Variants in CARMIL1 observed in about 807,000 individuals in gnomAD.
CARMIL1 encodes F-actin-uncapping protein LRRC16A.
A neutral mutation model predicts 177.1 loss-of-function variants in CARMIL1; 90 were observed. The observed-to-expected ratio is 0.51, with a 90% CI of 0.43 to 0.61. The LOEUF (loss-of-function observed/expected upper bound fraction) is 0.61. Among genes scored for constraint, CARMIL1 ranks in the 20% least tolerant of loss-of-function variants. The probability of loss-of-function intolerance (pLI) is 0.00; values close to 1 mark genes in which losing one functional copy is unlikely to be tolerated. For missense variants in CARMIL1, 1,380 were observed against 1,667.0 expected, an observed-to-expected ratio of 0.83 and a Z score of 3.00; for synonymous variants, 577 against 606.2, an observed-to-expected ratio of 0.95 and a Z score of 0.71.
chr6:25,364,131 G>A (rs760073668), intron 2 of CARMIL1, among the ~76,000 whole-genome samples: 16 of 151,738 alleles, frequency 1.1e-4, no homozygotes, highest in Admixed American at 1.3e-4. Flanking sequence ...AATGTGTAGA[G>A]ATGGGGTCTC....
intron 2 of CARMIL1, among the ~76,000 whole-genome samples, chr6:25,381,828 A>T (rs1382994268): frequency 6.6e-6 from 1 of 152,014 alleles, no homozygotes; most frequent in African/African-American, 2.4e-5. Flanking sequence ...GTCATTGGTG[A>T]TTAGTTCAAT....
At chr6:25,399,669 C>A (rs1385174391) in intron 2 of CARMIL1, among the ~76,000 whole-genome samples, 1 of 152,108 alleles carries the variant, frequency 6.6e-6, no homozygotes, top group African/African-American at 2.4e-5. Context: ...AGAACCTGTT[C>A]TGTGTGGGGC....
intron 2 of CARMIL1, among the ~76,000 whole-genome samples, chr6:25,316,423 C>CT (rs36000746): frequency 0.08 from 11,189 of 140,332 alleles, 540 homozygotes; most frequent in Middle Eastern, 0.12. Flanking sequence ...TTCCAGAGGG[C>CT]TTTTTTTTTT....
chr6:25,398,266 A>G (rs935056846), intron 2 of CARMIL1, among the ~76,000 whole-genome samples: 27 of 152,184 alleles, frequency 1.8e-4, no homozygotes, highest in African/African-American at 6.3e-4. Context: ...GGGATAATTC[A>G]TTTGTTTGTA....
chr6:25,363,972 C>T (rs188739862), intron 2 of CARMIL1, among the ~76,000 whole-genome samples: 100 of 152,104 alleles, frequency 6.6e-4, no homozygotes, highest in African/African-American at 2.1e-3. Context: ...GACAGGGTCT[C>T]GCTCTGTTGC....
chr6:25,333,984 C>T (rs914546884), intron 2 of CARMIL1, among the ~76,000 whole-genome samples: 26 of 152,186 alleles, frequency 1.7e-4, no homozygotes, highest in African/African-American at 6.3e-4. Context: ...AATGTACTTT[C>T]CCTGTATTCT....
At chr6:25,570,935 A>G (rs1336987447) in intron 29 of CARMIL1, among the ~76,000 whole-genome samples, 1 of 152,176 alleles carries the variant, frequency 6.6e-6, no homozygotes, top group East Asian at 1.9e-4. Flanking sequence ...CTGTCCAACA[A>G]TTGTCTTAGA....
At chr6:25,460,553 G>A (rs886164085) in intron 8 of CARMIL1, among the ~76,000 whole-genome samples, 4 of 152,142 alleles carry the variant, frequency 2.6e-5, no homozygotes, top group African/African-American at 7.2e-5. Context: ...TACATAAAGC[G>A]TTTGCTGAAG....
chr6:25,569,652 T>C (rs1811886078), intron 29 of CARMIL1, among the ~76,000 whole-genome samples: 1 of 152,216 alleles, frequency 6.6e-6, no homozygotes, highest in South Asian at 2.1e-4. Context: ...TTGTCATCAT[T>C]ATAAAGCTGA....
chr6:25,610,175 C>G lies in CARMIL1; in HGVS notation c.3973C>G (p.Gln1325Glu). 6.2e-7 allele frequency: 1 copy of G among 1,613,008 alleles called. No individual in the cohort carries two copies. The highest frequency in any genetic ancestry group is 1.1e-5 in the South Asian group (1 of 90,886). Residue 1325 changes from glutamine (Q) to glutamate (E), a missense_variant, in exon 36 of 37, where the codon CAG becomes GAG. Coordinates refer to ENST00000329474, the MANE Select transcript of CARMIL1 (RefSeq NM_017640.6). Reference protein sequence around the residue: ...SPQPSPRTFSQEVSRRSWGQQ... With the variant: ...SPQPSPRTFSEEVSRRSWGQQ... ...CCAGCCCAGCCCCAGGACATTTTCA[C>G]AGGAAGGTAAGGATTGTAAGGATTT...
At chr6:25,464,607 G>A (rs902689444) in intron 8 of CARMIL1, among the ~76,000 whole-genome samples, 1 of 152,128 alleles carries the variant, frequency 6.6e-6, no homozygotes, top group Non-Finnish European at 1.5e-5. Context: ...GCATAAAACT[G>A]ATATGACCTC....
intron 3 of CARMIL1, among the ~76,000 whole-genome samples, chr6:25,421,030 T>C (rs1795813609): frequency 6.6e-6 from 1 of 152,230 alleles, no homozygotes; most frequent in Admixed American, 6.5e-5. Context: ...GGAGGTTCAG[T>C]AACTTGACCA....
chr6:25,428,453 G>A, intron 4 of CARMIL1, among the ~76,000 whole-genome samples: 1 of 152,134 alleles, frequency 6.6e-6, no homozygotes, highest in Non-Finnish European at 1.5e-5. Flanking sequence ...TTTGAAATCA[G>A]ATAGTGTTAG....
chr6:25,451,986 G>GGGGGGGGGGGGCCCCCC, intron 8 of CARMIL1: 1 of 112,672 alleles, frequency 8.9e-6, no homozygotes, highest in Non-Finnish European at 1.7e-5. Flanking sequence ...CTAGCATCTT[G>GGGGGGGGGGGGCCCCCC]CCCCCCCCTC....
At chr6:25,436,580 A>G (rs1562133835) in intron 5 of CARMIL1, among the ~76,000 whole-genome samples, 1 of 152,234 alleles carries the variant, frequency 6.6e-6, no homozygotes, top group African/African-American at 2.4e-5. Context: ...GGATGACTAA[A>G]AGTGGCTCAG....
chr6:25,558,958 G>A lies in CARMIL1; in HGVS notation c.2742+2108G>A, dbSNP rs150319777. Among the ~76,000 whole-genome samples the A allele has an allele frequency of 1.6e-4, 25 of 152,282 alleles. 2 individuals carry two copies. The East Asian group carries it at 2.5e-3, about 15-fold the overall frequency. ...AACTAGGCTAATAAGTTGTTAAGTA[G>A]TAGAAAACCAGAGTTAAATTTGCTG... On this transcript the variant is annotated intron_variant, in intron 29 of 36. Transcript: ENST00000329474. The surrounding 1 kb of genome is among the most constrained non-coding windows in gnomAD (Gnocchi z 4.1).
Position 25,412,373 on chromosome 6 carries a change from C to T in CARMIL1, c.139-7741C>T, listed in dbSNP as rs187805858. On this transcript the variant is annotated intron_variant, in intron 2 of 36. Transcript: ENST00000329474. ...GAGCTGGGAGGATTGCTTGAGGCTA[C>T]GAGTTTGGGACCAGCCTGGGAAACA... 2.5e-3 allele frequency among the ~76,000 whole-genome samples: 388 copies of T among 152,288 alleles called. 3 individuals are homozygous for T. Among genetic ancestry groups the T allele is most frequent in the African/African-American group, 8.9e-3 (369 of 41,566 alleles).
intron 2 of CARMIL1, among the ~76,000 whole-genome samples, chr6:25,362,787 C>T (rs549138502): frequency 1.9e-4 from 29 of 152,056 alleles, no homozygotes; most frequent in Non-Finnish European, 3.2e-4. Flanking sequence ...GTAATTTCCA[C>T]ACTTTGGGAG....
intron 2 of CARMIL1, among the ~76,000 whole-genome samples, chr6:25,394,329 G>A (rs1184650441): frequency 6.6e-6 from 1 of 152,164 alleles, no homozygotes; most frequent in East Asian, 1.9e-4. Context: ...GAAGACAAGT[G>A]CTAAAGTGCT....
Sources: allele counts gnomAD v4.1 joint callset (sites outside exome capture counted in the v4.1 genomes callset), GRCh38; gene constraint gnomAD v4.1.1; non-coding constraint Gnocchi (gnomAD v3.1); transcripts MANE v1.5; gene names NCBI Gene and HGNC (gene_info 2026-07-23, HGNC 2026-07-21).